MAPKAP1: variants seen among roughly 807,000 people sequenced by gnomAD.
MAPKAP1 encodes target of rapamycin complex 2 subunit MAPKAP1.
A neutral mutation model predicts 65.7 loss-of-function variants in MAPKAP1; 20 were observed. That is an observed-to-expected ratio of 0.30 (90% CI 0.21 to 0.44). The LOEUF (loss-of-function observed/expected upper bound fraction) is 0.44. Among genes scored for constraint, MAPKAP1 ranks in the 20% least tolerant of loss-of-function variants. MAPKAP1 has a pLI of 1.00. For missense variants in MAPKAP1, 423 were observed against 648.0 expected (o/e 0.65, Z 3.77); for synonymous variants, 222 against 244.3 (o/e 0.91, Z 0.85).
At chr9:125,489,417 C>G (rs947764683) in intron 8 of MAPKAP1, among the ~76,000 whole-genome samples, 1 of 152,064 alleles carries the variant, frequency 6.6e-6, no homozygotes. Context: ...CTATAAGCCA[C>G]GGATTACCAT....
At chr9:125,588,425 T>C (rs1831855512) in intron 4 of MAPKAP1, among the ~76,000 whole-genome samples, 1 of 152,074 alleles carries the variant, frequency 6.6e-6, no homozygotes, top group Non-Finnish European at 1.5e-5. Context: ...AGGTATGAGG[T>C]TTCTTTTGGG....
intron 8 of MAPKAP1, among the ~76,000 whole-genome samples, chr9:125,489,671 C>CA (rs1207738811): frequency 6.6e-6 from 1 of 152,052 alleles, no homozygotes; most frequent in Non-Finnish European, 1.5e-5. Context: ...AATGAGGCCT[C>CA]ACACCTGTCT....
intron 4 of MAPKAP1, among the ~76,000 whole-genome samples, chr9:125,648,797 T>C (rs895280436): frequency 3.3e-5 from 5 of 151,968 alleles, no homozygotes; most frequent in African/African-American, 4.8e-5. Context: ...AAAAATTAGC[T>C]GGGCGTGGTG....
intron 5 of MAPKAP1, among the ~76,000 whole-genome samples, chr9:125,578,289 A>G (rs973779320): frequency 3.9e-5 from 6 of 152,034 alleles, no homozygotes; most frequent in Admixed American, 6.5e-5. Flanking sequence ...GGACACAAAC[A>G]CTGCGGAAGG....
rs150613058 is a variant in MAPKAP1, at chr9:125,537,558, T to C, written c.958+5501A>G. Reference sequence around the variant, plus strand: ...GTGCAGTAGTGTGATCATGCCTCACTGTAGCCTTGACCTCCTGGGTTTAAC... The same window carrying C: ...GTGCAGTAGTGTGATCATGCCTCACCGTAGCCTTGACCTCCTGGGTTTAAC... On this transcript the variant is annotated intron_variant, in intron 7 of 11. Coordinates refer to ENST00000265960, the MANE Select transcript of MAPKAP1 (RefSeq NM_001006617.3). Among the ~76,000 whole-genome samples, 723 of 152,274 alleles carry C rather than the reference T, an allele frequency of 4.7e-3. 5 individuals carry two copies. Among genetic ancestry groups the C allele is most frequent in the African/African-American group, 0.016 (680 of 41,554 alleles).
At chr9:125,646,547 T>C (rs1833730831) in intron 4 of MAPKAP1, among the ~76,000 whole-genome samples, 1 of 152,192 alleles carries the variant, frequency 6.6e-6, no homozygotes. Context: ...ATGGTAATAA[T>C]GATAAAACCT....
At chr9:125,652,145 G>T in intron 4 of MAPKAP1, 1 of 1,310,556 alleles carries the variant, frequency 7.6e-7, no homozygotes. Context: ...ATTTCTCGGT[G>T]GCTTCATGCT....
In MAPKAP1 at chr9:125,618,117, G is replaced by A. The variant is rs149123762; in HGVS notation, c.499-32390C>T. Reference sequence around the variant, plus strand: ...ACAACTTCCTTTAAGAACTTAGGGAGGATCGCCTGAGGTCAGGAGTTCGAG... The same window carrying A: ...ACAACTTCCTTTAAGAACTTAGGGAAGATCGCCTGAGGTCAGGAGTTCGAG... On this transcript the variant is annotated intron_variant, in intron 4 of 11. Coordinates refer to ENST00000265960, the MANE Select transcript of MAPKAP1 (RefSeq NM_001006617.3). Among the ~76,000 whole-genome samples the A allele has an allele frequency of 2.6e-4, 39 of 152,052 alleles. No individual in the cohort carries two copies. In the East Asian group the frequency reaches 7.5e-3, roughly 29 times the overall value.
rs540690867 is a variant in MAPKAP1 at position 125,561,773 on chromosome 9, T to A, written c.672-1964A>T. On this transcript the variant is annotated intron_variant, in intron 5 of 11. Coordinates refer to ENST00000265960, the MANE Select transcript of MAPKAP1 (RefSeq NM_001006617.3). Reference sequence around the variant, plus strand: ...CAGAGATTGTAAAGATTAGATCAGATAATATATGTAGTGTCTGGCATGTAA... The same window carrying A: ...CAGAGATTGTAAAGATTAGATCAGAAAATATATGTAGTGTCTGGCATGTAA... 4.6e-5 allele frequency among the ~76,000 whole-genome samples: 7 copies of A among 152,282 alleles called. No homozygotes were observed. The South Asian group carries it at 1.4e-3, about 32-fold the overall frequency.
intron 7 of MAPKAP1, among the ~76,000 whole-genome samples, chr9:125,529,521 G>GA (rs1200000599): frequency 5.3e-4 from 78 of 148,368 alleles, no homozygotes; most frequent in African/African-American, 1.6e-3. Context: ...AAAAAGAAAA[G>GA]AAAAAAAAAG....
intron 1 of MAPKAP1, among the ~76,000 whole-genome samples, chr9:125,700,258 C>T (rs185081737): frequency 4.6e-5 from 7 of 152,294 alleles, no homozygotes; most frequent in Admixed American, 4.6e-4. Flanking sequence ...CAATTTTCTA[C>T]CAATTTCTCT....
At chr9:125,464,204 T>TAAAAAAAA in intron 10 of MAPKAP1, among the ~76,000 whole-genome samples, 1 of 83,332 alleles carries the variant, frequency 1.2e-5, no homozygotes, top group East Asian at 4.1e-4. Flanking sequence ...TCTCATATAT[T>TAAAAAAAA]AAAAAAAAAA....
At chr9:125,500,281 G>A (rs929395742) in intron 8 of MAPKAP1, among the ~76,000 whole-genome samples, 7 of 151,898 alleles carry the variant, frequency 4.6e-5, no homozygotes, top group South Asian at 2.1e-4. Context: ...TCTGCCTCCC[G>A]GGTTCACGCC....
At chr9:125,445,594 T>A (rs571963532) in intron 10 of MAPKAP1, among the ~76,000 whole-genome samples, 1 of 152,372 alleles carries the variant, frequency 6.6e-6, no homozygotes, top group East Asian at 1.9e-4. Flanking sequence ...ATGGCTACAT[T>A]ATCTGGGCCT....
intron 10 of MAPKAP1, among the ~76,000 whole-genome samples, chr9:125,458,875 GGCC>G: frequency 7.7e-5 from 1 of 12,982 alleles, no homozygotes; most frequent in Non-Finnish European, 1.3e-4. Flanking sequence ...TCCCGGACGG[GGCC>G]GCTGGCCGGG....
intron 5 of MAPKAP1, among the ~76,000 whole-genome samples, chr9:125,570,428 T>C (rs1015105549): frequency 2.0e-5 from 3 of 152,246 alleles, no homozygotes; most frequent in Non-Finnish European, 4.4e-5. Flanking sequence ...CCTGGGGACA[T>C]GTGGAGTTAG....
At chr9:125,666,452 C>A (rs999325033) in intron 3 of MAPKAP1, among the ~76,000 whole-genome samples, 1 of 151,946 alleles carries the variant, frequency 6.6e-6, no homozygotes, top group Non-Finnish European at 1.5e-5. Flanking sequence ...TGAAATAAAA[C>A]AAAGATAAGA....
At chr9:125,661,093 G>C (rs558403467) in intron 3 of MAPKAP1, among the ~76,000 whole-genome samples, 1 of 152,108 alleles carries the variant, frequency 6.6e-6, no homozygotes, top group African/African-American at 2.4e-5. Flanking sequence ...CACAGAAAAA[G>C]AAATGTAAAC....
intron 4 of MAPKAP1, among the ~76,000 whole-genome samples, chr9:125,607,803 G>A (rs1226538626): frequency 2.0e-5 from 3 of 152,116 alleles, no homozygotes; most frequent in Non-Finnish European, 4.4e-5. Flanking sequence ...CTACAGGCAT[G>A]TGCCACCACA....
Sources: gnomAD v4.1 joint callset for allele counts (sites outside exome capture counted in the v4.1 genomes callset) on GRCh38, gnomAD v4.1.1 for gene constraint, MANE v1.5 for transcripts, NCBI Gene and HGNC (gene_info 2026-07-23, HGNC 2026-07-21) for gene names.